Variants in IDE observed in about 807,000 individuals in gnomAD.
IDE encodes insulin degrading enzyme.
IDE carries 58 observed loss-of-function variants against 133.2 expected under a neutral mutation model. The observed-to-expected ratio is 0.44, with a 90% CI of 0.35 to 0.54. The LOEUF (loss-of-function observed/expected upper bound fraction) is 0.54. Among genes scored for constraint, IDE ranks in the 20% least tolerant of loss-of-function variants. The pLI is 0.00. For missense variants in IDE, 981 were observed against 1,234.0 expected, an observed-to-expected ratio of 0.79 and a Z score of 3.07; for synonymous variants, 396 against 421.3, an observed-to-expected ratio of 0.94 and a Z score of 0.73.
chr10:92,507,055 C>G (rs995649781), intron 9 of IDE, among the ~76,000 whole-genome samples: 1 of 151,892 alleles, frequency 6.6e-6, no homozygotes, highest in South Asian at 2.1e-4. Context: ...TTTTAAAAAC[C>G]CTTTTTTAAA....
chr10:92,490,103 A>G (rs775644246), intron 12 of IDE, among the ~76,000 whole-genome samples: 3 of 152,248 alleles, frequency 2.0e-5, no homozygotes, highest in Non-Finnish European at 4.4e-5. Flanking sequence ...TGAAGATGGT[A>G]TGAATCCTAG....
chr10:92,549,836 A>G (rs546097711), intron 1 of IDE, among the ~76,000 whole-genome samples: 1 of 152,304 alleles, frequency 6.6e-6, no homozygotes, highest in African/African-American at 2.4e-5. Flanking sequence ...GGTATAAAAT[A>G]GAAGAGCTAG....
chr10:92,463,488 T>G (rs545839111), intron 21 of IDE, among the ~76,000 whole-genome samples: 67 of 152,290 alleles, frequency 4.4e-4, no homozygotes, highest in African/African-American at 1.4e-3. Flanking sequence ...TTATTAATAC[T>G]TTATTGTGAG....
At chr10:92,548,092 G>C (rs112855847) in intron 1 of IDE, among the ~76,000 whole-genome samples, 143 of 152,154 alleles carry the variant, frequency 9.4e-4, no homozygotes, top group African/African-American at 3.0e-3. Context: ...AGGCGCGATG[G>C]CTCATGCCTG....
chr10:92,537,349 A>T lies in IDE; in HGVS notation c.283+17T>A. 6.4e-7 allele frequency: 1 copy of T among 1,573,976 alleles called. No homozygotes were observed. The highest frequency in any genetic ancestry group is 2.2e-5 in the East Asian group (1 of 44,514). On this transcript the variant is annotated intron_variant, in intron 2 of 24. Transcript: ENST00000265986. Reference sequence around the variant, plus strand: ...AATGAAACAAAACAAAGCTTAATTCACAATTTTCAATTGTACCTATGTGCA... The same window carrying T: ...AATGAAACAAAACAAAGCTTAATTCTCAATTTTCAATTGTACCTATGTGCA...
chr10:92,459,441 C>T (rs1052791434), intron 22 of IDE, among the ~76,000 whole-genome samples: 1 of 152,060 alleles, frequency 6.6e-6, no homozygotes, highest in African/African-American at 2.4e-5. Flanking sequence ...ATAGTACATC[C>T]CTAGAAAAAA....
At chr10:92,559,350 C>T (rs1211943566) in intron 1 of IDE, 1 of 152,164 alleles carries the variant, frequency 6.6e-6, no homozygotes, top group Non-Finnish European at 1.5e-5. Flanking sequence ...TTCATTATAT[C>T]TCAAGACTGG....
chr10:92,523,612 A>T (rs11187045), intron 4 of IDE, among the ~76,000 whole-genome samples: 8,578 of 151,286 alleles, frequency 0.057, 863 homozygotes, highest in African/African-American at 0.2. Context: ...GAGACATGAT[A>T]ACCACTTAAA....
chr10:92,461,329 T>C, intron 21 of IDE, 77 bp from the exon 22 acceptor site: 4 of 710,438 alleles, frequency 5.6e-6, no homozygotes, highest in Non-Finnish European at 7.6e-6. Flanking sequence ...AATGACAATA[T>C]ACTTCACTCC....
chr10:92,498,879 G>C (rs1459580924), intron 11 of IDE, among the ~76,000 whole-genome samples: 1 of 152,140 alleles, frequency 6.6e-6, no homozygotes, highest in Non-Finnish European at 1.5e-5. Flanking sequence ...AGTTCTATTA[G>C]TAAATCTATA....
chr10:92,510,066 T>C lies in IDE; in HGVS notation c.881A>G (p.Gln294Arg). ...TGCACTTACTTTAAGATGTTCTTCT[T>C]GGAAAGGGTGTTCAGGAAATTCTGG... The part of the protein sequence containing the change: ...PLPEFPEHPF[Q>R]EEHLKQLYKI... The change falls in exon 6 of 25, where the codon CAA (glutamine) becomes CGA (arginine). Residue 294 changes from glutamine (Q) to arginine (R), a missense_variant. Coordinates refer to ENST00000265986, the MANE Select transcript of IDE (RefSeq NM_004969.4). 2 of 1,579,862 alleles carry C rather than the reference T, an allele frequency of 1.3e-6. No homozygotes were observed. Among genetic ancestry groups the C allele is most frequent in the Non-Finnish European group, 1.7e-6 (2 of 1,152,274 alleles).
chr10:92,485,042 T>C (rs906694373), intron 13 of IDE, among the ~76,000 whole-genome samples: 7 of 151,616 alleles, frequency 4.6e-5, no homozygotes, highest in Admixed American at 2.0e-4. Context: ...GGCAATGGAA[T>C]GCGAGTCTTT....
chr10:92,463,400 T>C (rs957707956), intron 21 of IDE, among the ~76,000 whole-genome samples: 6 of 152,224 alleles, frequency 3.9e-5, no homozygotes, highest in Admixed American at 1.3e-4. Context: ...ATTTTTTTAG[T>C]ATTATGGGAA....
intron 1 of IDE, among the ~76,000 whole-genome samples, chr10:92,551,921 A>G (rs1251771439): frequency 6.6e-6 from 1 of 152,198 alleles, no homozygotes; most frequent in Non-Finnish European, 1.5e-5. Context: ...AGATCACTTG[A>G]GGCCAGGAGT....
rs753904434 is a variant in IDE, at chr10:92,507,706, G to T, written c.1154-40C>A. On this transcript the variant is annotated intron_variant, in intron 8 of 24. Transcript: ENST00000265986. The stretch of plus-strand genomic sequence containing the variant: ...CACACTTAAAAACCATTCAGTCCTT[G>T]AATCCTTCAAAGCAGTGAGCTCACT... 17 of 1,096,186 alleles carry T rather than the reference G, an allele frequency of 1.6e-5. No homozygotes were observed. In the South Asian group the frequency reaches 2.0e-4, roughly 13 times the overall value. 67.9% of individuals were successfully genotyped at this position (1,096,186 alleles called of 1,614,324 possible).
chr10:92,501,196 C>A (rs1847986391), intron 11 of IDE, among the ~76,000 whole-genome samples: 1 of 146,758 alleles, frequency 6.8e-6, no homozygotes. Context: ...TCTCTCTCTA[C>A]AAAAAAATTA....
At chr10:92,508,925 C>T (rs373080927) in intron 6 of IDE, 35 bp from the exon 7 acceptor site, 34 of 1,503,394 alleles carry the variant, frequency 2.3e-5, no homozygotes, top group Middle Eastern at 1.7e-4. Context: ...TAGCTATATA[C>T]GACTCCTACT....
chr10:92,483,708 C>T (rs1309331874), intron 13 of IDE, among the ~76,000 whole-genome samples: 1 of 152,182 alleles, frequency 6.6e-6, no homozygotes, highest in Non-Finnish European at 1.5e-5. Context: ...TCCAGGGTGG[C>T]CCACAACAAT....
At chr10:92,464,844 A>G (rs954607283) in intron 20 of IDE, among the ~76,000 whole-genome samples, 4 of 152,090 alleles carry the variant, frequency 2.6e-5, no homozygotes, top group Non-Finnish European at 5.9e-5. Flanking sequence ...TAATCTTTGT[A>G]TTTTTAGTAA....
Sources: allele counts gnomAD v4.1 joint callset (sites outside exome capture counted in the v4.1 genomes callset), GRCh38; gene constraint gnomAD v4.1.1; transcripts MANE v1.5; gene names NCBI Gene and HGNC (gene_info 2026-07-23, HGNC 2026-07-21).